Variants in DCAF8L2 observed in about 807,000 individuals in gnomAD.
DCAF8L2 encodes the protein DDB1- and CUL4-associated factor 8-like protein 2.
For synonymous variants in DCAF8L2, 200 were observed against 190.9 expected (o/e 1.05, Z -0.39); for missense variants, 430 against 490.7 (o/e 0.88, Z 1.17).
Position 27,658,307 on chromosome X carries a change from G to A in DCAF8L2, c.-219-19529G>A, listed in dbSNP as rs980353772. ...AACAGGGCAAAATTAAATATGATAGGTACTGATATCAATTTAATCTCCATG... is the reference window on the plus strand; with the variant it reads ...AACAGGGCAAAATTAAATATGATAGATACTGATATCAATTTAATCTCCATG... On this transcript the variant is annotated intron_variant, in intron 2 of 4. Transcript: ENST00000451261. Among the ~76,000 whole-genome samples the A allele has an allele frequency of 6.2e-4, 69 of 111,631 alleles. 1 individual carries two copies. The highest frequency in any genetic ancestry group is 2.2e-3 in the African/African-American group (68 of 30,705).
At chrX:27,629,494 TTC>T (rs1195068614) in intron 1 of DCAF8L2, among the ~76,000 whole-genome samples, 148 of 108,150 alleles carry the variant, frequency 1.4e-3, no homozygotes, top group South Asian at 5.1e-3. Flanking sequence ...TTCCTTCCTT[TTC>T]TCTCTCTCTC....
chrX:27,666,465 C>T (rs997478325), intron 2 of DCAF8L2, among the ~76,000 whole-genome samples: 1 of 111,772 alleles, frequency 8.9e-6, no homozygotes, highest in Non-Finnish European at 1.9e-5. Context: ...GATTTTAAGT[C>T]AGATCTATCC....
intron 3 of DCAF8L2, among the ~76,000 whole-genome samples, chrX:27,678,726 A>T (rs1417050704): frequency 8.9e-6 from 1 of 111,834 alleles, no homozygotes; most frequent in Non-Finnish European, 1.9e-5. Context: ...TCAGTTCTGG[A>T]AGATTTTTTT....
At chrX:27,620,442 A>T (rs1031290491) in intron 1 of DCAF8L2, among the ~76,000 whole-genome samples, 9 of 111,982 alleles carry the variant, frequency 8.0e-5, no homozygotes, top group African/African-American at 2.9e-4. Flanking sequence ...AGGCACCCCA[A>T]AGAATGGGAG....
intron 4 of DCAF8L2, among the ~76,000 whole-genome samples, chrX:27,741,000 A>G (rs922781635): frequency 3.6e-5 from 4 of 112,061 alleles, no homozygotes; most frequent in Non-Finnish European, 7.5e-5. Context: ...CATGGCACAT[A>G]GAAGTCCTAA....
intron 3 of DCAF8L2, among the ~76,000 whole-genome samples, chrX:27,686,830 TG>T (rs762628444): frequency 8.9e-6 from 1 of 112,431 alleles, no homozygotes; most frequent in Non-Finnish European, 1.9e-5. Context: ...TTCTACGGAC[TG>T]GGTAGAGGGG....
intron 3 of DCAF8L2, among the ~76,000 whole-genome samples, chrX:27,713,460 T>A (rs1357912096): frequency 1.8e-5 from 2 of 110,983 alleles, no homozygotes; most frequent in East Asian, 5.6e-4. Flanking sequence ...AAGAAAAAAA[T>A]AGGTAATAAG....
At chrX:27,521,090 C>A in the DCAF8L2 span, among the ~76,000 whole-genome samples, 1 of 111,770 alleles carries the variant, frequency 8.9e-6, no homozygotes, top group African/African-American at 3.2e-5. Context: ...TTATTAAACT[C>A]ATTTGTTCTT....
chrX:27,729,783 G>A lies in DCAF8L2; in HGVS notation c.-59+13612G>A, dbSNP rs143196132. Reference sequence around the variant, plus strand: ...TGCTACCTCCTAATACCATCACCTTGGAGGTTAGAATTTCAACATATTAAT... The same window carrying A: ...TGCTACCTCCTAATACCATCACCTTAGAGGTTAGAATTTCAACATATTAAT... On this transcript the variant is annotated intron_variant, in intron 4 of 4. Coordinates refer to ENST00000451261, the MANE Select transcript of DCAF8L2 (RefSeq NM_001353450.2). Among the ~76,000 whole-genome samples, 857 of 111,904 alleles carry A rather than the reference G, an allele frequency of 7.7e-3. 10 individuals carry two copies. The highest frequency in any genetic ancestry group is 0.027 in the African/African-American group (819 of 30,772).
intron 2 of DCAF8L2, among the ~76,000 whole-genome samples, chrX:27,648,481 TAAC>T (rs994470052): frequency 9.5e-5 from 10 of 105,811 alleles, no homozygotes; most frequent in African/African-American, 2.8e-4. Flanking sequence ...AGGTCAGTAG[TAAC>T]ATTTCCTAGT....
chrX:27,610,467 C>T (rs1927106480), intron 1 of DCAF8L2, among the ~76,000 whole-genome samples: 1 of 110,960 alleles, frequency 9.0e-6, no homozygotes, highest in Non-Finnish European at 1.9e-5. Context: ...ACGAAGGAAA[C>T]ATCATGATGT....
intron 1 of DCAF8L2, among the ~76,000 whole-genome samples, chrX:27,609,186 A>G (rs1313024613): frequency 7.1e-5 from 8 of 111,935 alleles, no homozygotes; most frequent in Non-Finnish European, 1.3e-4. Context: ...AAAAATTAAC[A>G]GAAGTTAAAT....
intron 2 of DCAF8L2, among the ~76,000 whole-genome samples, chrX:27,641,962 C>G (rs1328949351): frequency 9.1e-6 from 1 of 109,584 alleles, no homozygotes; most frequent in Non-Finnish European, 1.9e-5. Context: ...AATCTCGGCT[C>G]ACTGCAAGCT....
At position 27,748,471 on chromosome X, in the gene DCAF8L2, C is replaced by T; in HGVS notation, c.1576C>T (p.Pro526Ser). The change falls in exon 5 of 5, where the codon CCT becomes TCT. Residue 526 changes from proline to serine, a missense_variant. By Grantham distance (74) the Pro-to-Ser change is moderately conservative. Transcript: ENST00000451261. Reference protein sequence around the residue: ...INCLEPHPYLPVLACSGLDHD... With the variant: ...INCLEPHPYLSVLACSGLDHD... ...CTGTCTTGAACCCCACCCTTACCTA[C>T]CTGTGTTGGCGTGCAGTGGCCTAGA... The T allele has an allele frequency of 8.3e-7, 1 of 1,209,447 alleles. No homozygotes were observed. Among genetic ancestry groups the T allele is most frequent in the Non-Finnish European group, 1.1e-6 (1 of 893,921 alleles).
intron 1 of DCAF8L2, among the ~76,000 whole-genome samples, chrX:27,609,389 A>T (rs1168040929): frequency 8.9e-6 from 1 of 111,876 alleles, no homozygotes; most frequent in Non-Finnish European, 1.9e-5. Context: ...TAACATTATT[A>T]TTCTCACAGC....
At chrX:27,510,155 C>T in the DCAF8L2 span, among the ~76,000 whole-genome samples, 1 of 110,772 alleles carries the variant, frequency 9.0e-6, no homozygotes, top group Admixed American at 9.7e-5. Context: ...ACTGTTTGTT[C>T]CAAGATGCTC....
intron 3 of DCAF8L2, among the ~76,000 whole-genome samples, chrX:27,714,287 T>C (rs1048562440): frequency 3.6e-4 from 40 of 111,700 alleles, no homozygotes; most frequent in Non-Finnish European, 7.5e-5. Flanking sequence ...CCTAAAACGA[T>C]AGAGCAGTCT....
chrX:27,479,351 G>T, the DCAF8L2 span, among the ~76,000 whole-genome samples: 7 of 111,039 alleles, frequency 6.3e-5, no homozygotes, highest in African/African-American at 2.3e-4. Context: ...TAGCCTAGTG[G>T]TCCTTGAGCC....
chrX:27,492,126 C>T, the DCAF8L2 span, among the ~76,000 whole-genome samples: 30 of 112,346 alleles, frequency 2.7e-4, no homozygotes, highest in Non-Finnish European at 5.6e-4. Context: ...ATTGCTTTGT[C>T]TTTCTGGACA....
Sources: gnomAD v4.1 joint callset for allele counts (sites outside exome capture counted in the v4.1 genomes callset) on GRCh38, gnomAD v4.1.1 for gene constraint, MANE v1.5 for transcripts, NCBI Gene and HGNC (gene_info 2026-07-23, HGNC 2026-07-21) for gene names.